Variants in THOC2 observed in about 807,000 individuals in gnomAD.
THOC2 encodes the protein THO complex 2.
In THOC2, 10 loss-of-function variants were observed where a neutral mutation model predicts 128.4. The observed-to-expected ratio is 0.08, with a 90% CI of 0.05 to 0.13. The LOEUF (loss-of-function observed/expected upper bound fraction) is 0.13. Ranked by LOEUF, THOC2 falls within the 10% of genes least tolerant of loss-of-function variation. THOC2 has a pLI of 1.00. For missense variants in THOC2, 535 were observed against 1,155.7 expected, an observed-to-expected ratio of 0.46 and a Z score of 7.79; for synonymous variants, 393 against 396.9, an observed-to-expected ratio of 0.99 and a Z score of 0.12.
chrX:123,626,696 A>C, intron 23 of THOC2, 34 bp from the exon 24 acceptor site: 1 of 1,139,397 alleles, frequency 8.8e-7, no homozygotes, highest in Non-Finnish European at 1.2e-6. Context: ...TTTTCTAACT[A>C]TATGCACATT....
At chrX:123,647,500 A>G (rs948909593) in intron 12 of THOC2, among the ~76,000 whole-genome samples, 3 of 111,227 alleles carry the variant, frequency 2.7e-5, no homozygotes, top group Non-Finnish European at 5.7e-5. Context: ...TTGGGAATTC[A>G]AATATGAACA....
intron 1 of THOC2, among the ~76,000 whole-genome samples, chrX:123,718,542 C>G (rs1220868739): frequency 9.0e-6 from 1 of 111,372 alleles, no homozygotes; most frequent in Non-Finnish European, 1.9e-5. Flanking sequence ...GGCAGATAAT[C>G]TGAGGTCAGA....
intron 13 of THOC2, 40 bp from the exon 14 acceptor site, chrX:123,644,949 A>G (rs1268205571): frequency 9.3e-7 from 1 of 1,070,029 alleles, no homozygotes. Context: ...TAAGAGGTCT[A>G]TATTAATATA....
chrX:123,610,381 T>C lies in THOC2; in HGVS notation c.*18+537A>G, dbSNP rs1380209892. On this transcript the variant is annotated intron_variant, in intron 38 of 38. Coordinates refer to ENST00000245838, the MANE Select transcript of THOC2 (RefSeq NM_001081550.2). ...AGACCATATTTTCTGTTGCAAAACATGGGCAGTGGTAAAAAAAAAAAAAAT... is the reference window on the plus strand; with the variant it reads ...AGACCATATTTTCTGTTGCAAAACACGGGCAGTGGTAAAAAAAAAAAAAAT... The C allele has an allele frequency of 2.8e-5, 3 of 107,652 alleles. No individual in the cohort carries two copies. The Admixed American group carries it at 3.0e-4, about 11-fold the overall frequency. The allele number at this position is 107,652 out of a possible 1,213,427, so 8.9% of individuals were successfully genotyped here.
intron 8 of THOC2, among the ~76,000 whole-genome samples, chrX:123,681,543 T>C (rs1431217696): frequency 1.8e-5 from 2 of 111,508 alleles, no homozygotes; most frequent in African/African-American, 3.3e-5. Flanking sequence ...ATACAGGAAA[T>C]AAAGAACAAA....
intron 8 of THOC2, among the ~76,000 whole-genome samples, chrX:123,675,282 T>C (rs943369965): frequency 9.0e-6 from 1 of 111,603 alleles, no homozygotes; most frequent in Non-Finnish European, 1.9e-5. Context: ...TCTCTATTTA[T>C]TTGGTGAGAC....
chrX:123,668,836 C>A (rs780364351), intron 9 of THOC2, among the ~76,000 whole-genome samples: 1 of 111,966 alleles, frequency 8.9e-6, no homozygotes, highest in South Asian at 3.7e-4. Flanking sequence ...ATTTAAGTCA[C>A]AAGCTAGTTA....
intron 9 of THOC2, among the ~76,000 whole-genome samples, chrX:123,670,641 G>A (rs185261886): frequency 3.6e-5 from 4 of 111,801 alleles, no homozygotes; most frequent in Non-Finnish European, 5.7e-5. Context: ...AACAACTCCT[G>A]CCTTTATACT....
chrX:123,614,538 T>C (rs1469088587), intron 33 of THOC2, among the ~76,000 whole-genome samples: 2 of 108,712 alleles, frequency 1.8e-5, no homozygotes, highest in East Asian at 5.6e-4. Flanking sequence ...TTCTCTACTG[T>C]TTAAAAAAAA....
chrX:123,730,575 T>C (rs2052199072), intron 1 of THOC2, among the ~76,000 whole-genome samples: 1 of 112,459 alleles, frequency 8.9e-6, no homozygotes, highest in Non-Finnish European at 1.9e-5. Flanking sequence ...AATTCCATTT[T>C]ATCTAAGTAT....
At position 123,704,598 on chromosome X, in the gene THOC2, G is replaced by A. The variant is rs183068582; in HGVS notation, c.223-1093C>T. On this transcript the variant is annotated intron_variant, in intron 3 of 38. Coordinates refer to ENST00000245838, the MANE Select transcript of THOC2 (RefSeq NM_001081550.2). Reference sequence around the variant, plus strand: ...AATCGGGCCAGGCACAGTGGCTCACGCCTGTAATCCTAGCACTTTGGGAGG... The same window carrying A: ...AATCGGGCCAGGCACAGTGGCTCACACCTGTAATCCTAGCACTTTGGGAGG... 1.6e-4 allele frequency among the ~76,000 whole-genome samples: 18 copies of A among 111,640 alleles called. No homozygotes were observed. The East Asian group carries it at 5.1e-3, about 32-fold the overall frequency.
At chrX:123,654,415 A>AATAT (rs1266856337) in intron 12 of THOC2, among the ~76,000 whole-genome samples, 2 of 106,500 alleles carry the variant, frequency 1.9e-5, no homozygotes, top group Non-Finnish European at 3.9e-5. Flanking sequence ...AATAATAATA[A>AATAT]ATATATATAT....
At chrX:123,718,947 G>T (rs1302078988) in intron 1 of THOC2, among the ~76,000 whole-genome samples, 1 of 110,349 alleles carries the variant, frequency 9.1e-6, no homozygotes, top group Non-Finnish European at 1.9e-5. Context: ...AGGCCGAGGT[G>T]GGCGGATCAT....
rs1488403884 is a variant in THOC2, at chrX:123,610,008, G to A, written c.*18+910C>T. Among the ~76,000 whole-genome samples the A allele has an allele frequency of 3.6e-5, 4 of 109,771 alleles. No homozygotes were observed. The East Asian group carries it at 1.1e-3, about 31-fold the overall frequency. On this transcript the variant is annotated intron_variant, in intron 38 of 38. Coordinates refer to ENST00000245838, the MANE Select transcript of THOC2 (RefSeq NM_001081550.2). ...CGCGCCACTGCACTCCAGCCTGGGC[G>A]ACAGAGTGAGACTCTGTCTCAAAAA...
intron 1 of THOC2, among the ~76,000 whole-genome samples, chrX:123,718,121 G>A (rs1603340128): frequency 8.9e-6 from 1 of 112,039 alleles, no homozygotes; most frequent in Non-Finnish European, 1.9e-5. Context: ...AATAGAGAGC[G>A]CAGATATTAA....
chrX:123,653,374 C>T (rs777779844), intron 12 of THOC2, among the ~76,000 whole-genome samples: 3 of 111,978 alleles, frequency 2.7e-5, no homozygotes, highest in Non-Finnish European at 3.8e-5. Context: ...GCAAAGACTT[C>T]ATGACTAAAA....
chrX:123,671,823 T>C, intron 8 of THOC2, 62 bp from the exon 9 acceptor site: 1 of 657,340 alleles, frequency 1.5e-6, no homozygotes, highest in Non-Finnish European at 2.3e-6. Flanking sequence ...GCAATATCCT[T>C]CACCTACCAA....
intron 38 of THOC2, among the ~76,000 whole-genome samples, chrX:123,606,818 GTGCTAAC>G (rs1306487255): frequency 9.0e-6 from 1 of 111,343 alleles, no homozygotes; most frequent in Non-Finnish European, 1.9e-5. Flanking sequence ...TGAATAAGTA[GTGCTAAC>G]TGCTAATGTT....
chrX:123,611,566 G>C, intron 36 of THOC2, 50 bp from the exon 37 acceptor site: 1 of 876,815 alleles, frequency 1.1e-6, no homozygotes, highest in Non-Finnish European at 1.7e-6. Context: ...AAATATAAAA[G>C]CCAGCTCAAA....
Sources: allele counts gnomAD v4.1 joint callset (sites outside exome capture counted in the v4.1 genomes callset), GRCh38; gene constraint gnomAD v4.1.1; transcripts MANE v1.5; gene names NCBI Gene and HGNC (gene_info 2026-07-23, HGNC 2026-07-21).